Variants in HDAC9 observed in about 807,000 individuals in gnomAD.
HDAC9 encodes histone deacetylase 9.
In HDAC9, 41 loss-of-function variants were observed where a neutral mutation model predicts 139.4. The ratio of observed to expected loss-of-function variants is 0.29; its 90% CI spans 0.23 to 0.38. HDAC9 has a LOEUF of 0.38. Ranked by LOEUF, HDAC9 falls within the 10% of genes least tolerant of loss-of-function variation. HDAC9 has a pLI of 1.00. For synonymous variants in HDAC9, 517 were observed against 476.2 expected, an observed-to-expected ratio of 1.09 and a Z score of -1.12; for missense variants, 1,147 against 1,297.0, an observed-to-expected ratio of 0.88 and a Z score of 1.78.
At chr7:18,308,790 CTAATT>C (rs1484731359) in intron 1 of HDAC9, among the ~76,000 whole-genome samples, 2 of 152,138 alleles carry the variant, frequency 1.3e-5, no homozygotes, top group Admixed American at 6.5e-5. Flanking sequence ...TTGCTGTTCT[CTAATT>C]TAAACTCAAA....
intron 1 of HDAC9, among the ~76,000 whole-genome samples, chr7:18,117,206 A>G (rs1248694553): frequency 6.6e-6 from 1 of 152,104 alleles, no homozygotes; most frequent in Non-Finnish European, 1.5e-5. Context: ...TTAAGATGAG[A>G]TCATACTGGA....
intron 19 of HDAC9, among the ~76,000 whole-genome samples, 179 bp downstream of exon 19, chr7:18,829,727 C>T (rs987063327): frequency 2.0e-5 from 3 of 152,216 alleles, no homozygotes; most frequent in East Asian, 3.8e-4. Flanking sequence ...TAAACATTCA[C>T]GTTTCACTTT....
intron 21 of HDAC9, among the ~76,000 whole-genome samples, chr7:18,838,187 T>C (rs745549314): frequency 4.4e-4 from 67 of 152,050 alleles, no homozygotes; most frequent in Non-Finnish European, 6.2e-4. Flanking sequence ...ATTGAACACA[T>C]ATTATATGCT....
chr7:18,769,226 C>G (rs1790080788), intron 16 of HDAC9, among the ~76,000 whole-genome samples: 1 of 152,168 alleles, frequency 6.6e-6, no homozygotes, highest in Non-Finnish European at 1.5e-5. Context: ...TGCGAAGTTC[C>G]TCTACTCAAC....
chr7:18,926,992 C>T (rs937643141), intron 22 of HDAC9, among the ~76,000 whole-genome samples: 6 of 151,958 alleles, frequency 3.9e-5, no homozygotes, highest in Admixed American at 2.0e-4. Context: ...AATTGATTTC[C>T]GGATTCAGTG....
At chr7:18,991,950 G>T (rs1585512119) in intron 25 of HDAC9, among the ~76,000 whole-genome samples, 1 of 152,164 alleles carries the variant, frequency 6.6e-6, no homozygotes. Flanking sequence ...CAGAACCAGG[G>T]CACACAGTAC....
intron 11 of HDAC9, among the ~76,000 whole-genome samples, chr7:18,659,980 A>G (rs1428766880): frequency 6.6e-6 from 1 of 152,172 alleles, no homozygotes; most frequent in South Asian, 2.1e-4. Flanking sequence ...GACAGTACAA[A>G]TTAGAAAAGG....
At chr7:18,901,934 C>T (rs1288237167) in intron 22 of HDAC9, among the ~76,000 whole-genome samples, 2 of 152,154 alleles carry the variant, frequency 1.3e-5, no homozygotes, top group African/African-American at 2.4e-5. Context: ...TTTGTCTGGC[C>T]TTACCTACTG....
At chr7:18,466,594 C>T (rs554627180) in intron 1 of HDAC9, among the ~76,000 whole-genome samples, 4 of 152,270 alleles carry the variant, frequency 2.6e-5, no homozygotes, top group East Asian at 1.9e-4. Flanking sequence ...CATCTCTGAC[C>T]GACTCCTCTG....
At chr7:18,347,792 T>G (rs2128669625) in intron 1 of HDAC9, among the ~76,000 whole-genome samples, 1 of 152,006 alleles carries the variant, frequency 6.6e-6, no homozygotes, top group East Asian at 1.9e-4. Context: ...AGAGATGGGG[T>G]TCTCAAACTC....
chr7:18,859,838 A>ATGTGTGTGTG (rs1562997025), intron 21 of HDAC9, among the ~76,000 whole-genome samples: 1 of 129,788 alleles, frequency 7.7e-6, no homozygotes, highest in Admixed American at 7.7e-5. Flanking sequence ...ATATATATAT[A>ATGTGTGTGTG]TATATATATA....
chr7:18,496,807 A>T (rs1797064123), intron 2 of HDAC9: 1 of 152,894 alleles, frequency 6.5e-6, no homozygotes, highest in Admixed American at 6.5e-5. Context: ...CCACAGAGTT[A>T]TAAAGGTAGT....
intron 1 of HDAC9, among the ~76,000 whole-genome samples, chr7:18,341,871 A>C (rs1782040512): frequency 6.6e-6 from 1 of 151,712 alleles, no homozygotes. Context: ...CTTCAGCTTT[A>C]TCTAAGGACA....
At chr7:18,939,767 A>T (rs1289522479) in intron 23 of HDAC9, among the ~76,000 whole-genome samples, 1 of 152,182 alleles carries the variant, frequency 6.6e-6, no homozygotes, top group Non-Finnish European at 1.5e-5. Context: ...GTTTCCCTCC[A>T]AACCCTTTAT....
chr7:18,340,709 A>G (rs1195103571), intron 1 of HDAC9, among the ~76,000 whole-genome samples: 1 of 71,702 alleles, frequency 1.4e-5, no homozygotes, highest in Non-Finnish European at 4.0e-5. Flanking sequence ...TTAGTTATAA[A>G]TCCCATGCTG....
chr7:18,381,385 A>G (rs1269675306), intron 1 of HDAC9, among the ~76,000 whole-genome samples: 1 of 152,114 alleles, frequency 6.6e-6, no homozygotes, highest in Non-Finnish European at 1.5e-5. Flanking sequence ...CATAGTTTAT[A>G]TTATCTGACC....
At chr7:18,518,085 T>G (rs1803820109) in intron 2 of HDAC9, 1 of 152,210 alleles carries the variant, frequency 6.6e-6, no homozygotes. Flanking sequence ...AATAATCACT[T>G]ATTTTATTTG....
chr7:18,210,966 GC>G (rs1791899259), intron 2 of HDAC9, among the ~76,000 whole-genome samples: 1 of 152,140 alleles, frequency 6.6e-6, no homozygotes, highest in African/African-American at 2.4e-5. Flanking sequence ...GTACAGGACG[GC>G]CTTTCCTTTG....
At chr7:18,512,743 A>T (rs748410285) in intron 2 of HDAC9, among the ~76,000 whole-genome samples, 2 of 152,220 alleles carry the variant, frequency 1.3e-5, no homozygotes, top group African/African-American at 2.4e-5. Flanking sequence ...TATGTGTATT[A>T]TATTTCAGCA....
Sources: gnomAD v4.1 joint callset for allele counts (sites outside exome capture counted in the v4.1 genomes callset) on GRCh38, gnomAD v4.1.1 for gene constraint, MANE v1.5 for transcripts, NCBI Gene and HGNC (gene_info 2026-07-23, HGNC 2026-07-21) for gene names.